ANKRD28: variants seen among roughly 807,000 people sequenced by gnomAD.
The protein encoded by ANKRD28 is ankyrin repeat domain 28.
Under a neutral mutation model 126.5 loss-of-function variants are expected in ANKRD28, and 44 were observed. The observed-to-expected ratio is 0.35, with a 90% CI of 0.27 to 0.45. The LOEUF (loss-of-function observed/expected upper bound fraction) is 0.45. Among genes scored for constraint, ANKRD28 ranks in the 20% least tolerant of loss-of-function variants. The probability of loss-of-function intolerance (pLI) is 1.00; values close to 1 mark genes in which losing one functional copy is unlikely to be tolerated. For synonymous variants in ANKRD28, 442 were observed against 468.5 expected, an observed-to-expected ratio of 0.94 and a Z score of 0.73; for missense variants, 1,110 against 1,316.6, an observed-to-expected ratio of 0.84 and a Z score of 2.43.
chr3:15,739,519 A>G (rs1012453943), intron 4 of ANKRD28, among the ~76,000 whole-genome samples: 3 of 152,228 alleles, frequency 2.0e-5, no homozygotes, highest in Admixed American at 1.3e-4. Context: ...TCTATTATTT[A>G]CAAGGCATAC....
intron 1 of ANKRD28, among the ~76,000 whole-genome samples, chr3:15,856,172 T>G (rs148772258): frequency 7.9e-4 from 120 of 151,810 alleles, no homozygotes; most frequent in African/African-American, 2.8e-3. Context: ...TGTCTAGCAA[T>G]CTGGATTTCT....
chr3:15,678,973 C>T (rs562941396), intron 23 of ANKRD28, among the ~76,000 whole-genome samples: 2 of 152,160 alleles, frequency 1.3e-5, no homozygotes, highest in African/African-American at 4.8e-5. Context: ...GAAAATAAAA[C>T]CTTTTTGGGG....
At chr3:15,856,431 T>C (rs922368289) in intron 1 of ANKRD28, among the ~76,000 whole-genome samples, 2 of 152,220 alleles carry the variant, frequency 1.3e-5, no homozygotes, top group African/African-American at 2.4e-5. Context: ...AATTAAAATG[T>C]AATTGTGGAT....
chr3:15,700,221 C>T (rs111291195), intron 14 of ANKRD28, among the ~76,000 whole-genome samples: 16 of 152,298 alleles, frequency 1.1e-4, no homozygotes, highest in African/African-American at 3.9e-4. Context: ...ACACACAACT[C>T]TCACTCTTAA....
chr3:15,829,130 C>T (rs1198944106), intron 1 of ANKRD28, among the ~76,000 whole-genome samples: 3 of 152,094 alleles, frequency 2.0e-5, no homozygotes, highest in East Asian at 3.9e-4. Context: ...CTACTGATGT[C>T]TACTGTATTC....
intron 2 of ANKRD28, among the ~76,000 whole-genome samples, chr3:15,793,819 ACTTT>A (rs2060143688): frequency 1.3e-5 from 2 of 152,196 alleles, no homozygotes; most frequent in Admixed American, 6.5e-5. Context: ...TAATCCCAGC[ACTTT>A]GGGAGGCCAA....
intron 1 of ANKRD28, among the ~76,000 whole-genome samples, chr3:15,818,240 G>A (rs2060873490): frequency 6.6e-6 from 1 of 152,142 alleles, no homozygotes; most frequent in Non-Finnish European, 1.5e-5. Context: ...GTCCGACACA[G>A]GTTGAACATT....
chr3:15,766,214 T>C lies in ANKRD28; in HGVS notation c.280+20A>G, dbSNP rs893064881. On this transcript the variant is annotated intron_variant, in intron 3 of 27. Transcript: ENST00000683139. The stretch of plus-strand genomic sequence containing the variant: ...CAAAAATATACATAATGTGTTCTTA[T>C]TACTCAGAGGTTACCATACCAGATA... The C allele has an allele frequency of 3.8e-6, 6 of 1,581,066 alleles. No individual in the cohort carries two copies. The highest frequency in any genetic ancestry group is 5.2e-6 in the Non-Finnish European group (6 of 1,154,896).
At chr3:15,770,363 A>G (rs948333791) in intron 2 of ANKRD28, among the ~76,000 whole-genome samples, 1 of 151,196 alleles carries the variant, frequency 6.6e-6, no homozygotes, top group African/African-American at 2.4e-5. Flanking sequence ...AATAGTCCAC[A>G]TTTCTATTAT....
intron 27 of ANKRD28, among the ~76,000 whole-genome samples, chr3:15,674,174 C>CAAAAAAAA (rs34806568): frequency 0.013 from 526 of 40,122 alleles, 78 homozygotes; most frequent in Non-Finnish European, 0.014. Flanking sequence ...CCTGCCTCTT[C>CAAAAAAAA]AAAAAAAAAA....
rs145398421 is a variant in ANKRD28 at position 15,789,437 on chromosome 3, T to TA, written c.201+5785dup. ...TCGAAGAGAGGTTTTCTCCTTTTTT[T>TA]AAAAAAAAAAGAAAAGAAAAGAAAA... On this transcript the variant is annotated intron_variant, in intron 2 of 27. Transcript: ENST00000683139. Among the ~76,000 whole-genome samples, 1,241 of 148,238 alleles carry TA rather than the reference T, an allele frequency of 8.4e-3. 6 individuals are homozygous for TA. The highest frequency in any genetic ancestry group is 0.012 in the Admixed American group (174 of 14,816).
At chr3:15,840,845 G>T (rs1371667158) in intron 1 of ANKRD28, among the ~76,000 whole-genome samples, 1 of 152,270 alleles carries the variant, frequency 6.6e-6, no homozygotes, top group African/African-American at 2.4e-5. Flanking sequence ...ACATGGAAAA[G>T]AATGAAGACT....
chr3:15,791,341 A>G (rs2060014824), intron 2 of ANKRD28, among the ~76,000 whole-genome samples: 2 of 152,106 alleles, frequency 1.3e-5, no homozygotes, highest in South Asian at 4.1e-4. Flanking sequence ...AACTGGTGGA[A>G]TCCCATTATC....
Position 15,833,817 on chromosome 3 carries a change from GATTA to G in ANKRD28, c.27+25556_27+25559del, listed in dbSNP as rs2061261555. Among the ~76,000 whole-genome samples the G allele has an allele frequency of 6.6e-6, 1 of 151,880 alleles. No individual in the cohort carries two copies. Among genetic ancestry groups the G allele is most frequent in the Non-Finnish European group, 1.5e-5 (1 of 67,966 alleles). On this transcript the variant is annotated intron_variant, in intron 1 of 27. Transcript: ENST00000399451. This position sits in a 1 kb window ranked among gnomAD's most constrained non-coding sequence, Gnocchi z 4.4. ...AATAATGGAACACTAGGCATAAGTG[GATTA>G]ATTTGTATTTCTTTTATGACTAATG...
At chr3:15,768,650 T>C (rs2058857487) in intron 2 of ANKRD28, among the ~76,000 whole-genome samples, 1 of 141,994 alleles carries the variant, frequency 7.0e-6, no homozygotes, top group African/African-American at 2.6e-5. Context: ...AGATCTTCTC[T>C]GGCGGGGGGC....
rs530577100 is a variant in ANKRD28, at chr3:15,714,553, A to C, written c.1075+25T>G. The C allele has an allele frequency of 1.1e-4, 161 of 1,525,950 alleles. 1 individual carries two copies. The African/African-American group carries it at 1.9e-3, about 18-fold the overall frequency. The allele number at this position is 1,525,950 out of a possible 1,614,324, so 94.5% of individuals were successfully genotyped here. On this transcript the variant is annotated intron_variant, in intron 9 of 27. Coordinates refer to ENST00000683139, the MANE Select transcript of ANKRD28 (RefSeq NM_001349278.2). The stretch of plus-strand genomic sequence containing the variant: ...TTAAGAAAAAAAAAAAAAAACCCCA[A>C]AAAAAAAACAGAAATACTTTTTACC...
rs546385320 is a variant in ANKRD28, at chr3:15,707,993, C to G, written c.1478G>C (p.Ser493Thr). 2 of 1,612,036 alleles carry G rather than the reference C, an allele frequency of 1.2e-6. No homozygotes were observed. The highest frequency in any genetic ancestry group is 2.7e-5 in the African/African-American group (2 of 75,022). Reference sequence around the variant, plus strand: ...GCCTCTTTCATCAAGGTCATTCACACTTGCTCCTGATCCCACAAGAGCAAA... The same window carrying G: ...GCCTCTTTCATCAAGGTCATTCACAGTTGCTCCTGATCCCACAAGAGCAAA... The part of the protein sequence containing the change: ...CLFALVGSGA[S>T]VNDLDERGCT... Residue 493 changes from serine (S) to threonine (T), a missense_variant, in exon 14 of 28, where the codon AGT becomes ACT. Physicochemically the swap from Ser to Thr is moderately conservative, Grantham distance 58. Transcript: ENST00000683139.
intron 8 of ANKRD28, among the ~76,000 whole-genome samples, chr3:15,715,431 C>T (rs2072887519): frequency 6.6e-6 from 1 of 152,174 alleles, no homozygotes; most frequent in South Asian, 2.1e-4. Context: ...CTTTAAAAAT[C>T]CTCATGTCTT....
intron 7 of ANKRD28, among the ~76,000 whole-genome samples, chr3:15,722,078 TTTATATGA>T (rs2124943062): frequency 6.6e-6 from 1 of 152,224 alleles, no homozygotes; most frequent in African/African-American, 2.4e-5. Flanking sequence ...AAGGGAATAG[TTTATATGA>T]TTAGTGTGTA....
Sources: allele counts gnomAD v4.1 joint callset (sites outside exome capture counted in the v4.1 genomes callset), GRCh38; gene constraint gnomAD v4.1.1; non-coding constraint Gnocchi (gnomAD v3.1); transcripts MANE v1.5; gene names NCBI Gene and HGNC (gene_info 2026-07-23, HGNC 2026-07-21).